FBXO36: variants seen among roughly 807,000 people sequenced by gnomAD.
FBXO36 encodes the protein F-box only protein 36.
Under a neutral mutation model 17.0 loss-of-function variants are expected in FBXO36, and 18 were observed. The ratio of observed to expected loss-of-function variants is 1.06; its 90% CI spans 0.73 to 1.57. The LOEUF (loss-of-function observed/expected upper bound fraction) is 1.57. Ranked by LOEUF, FBXO36 falls within the 40% of genes most tolerant of loss-of-function variation. The pLI, the probability that FBXO36 is intolerant of heterozygous loss-of-function variation, is 0.00. For synonymous variants in FBXO36, 83 were observed against 85.3 expected (o/e 0.97, Z 0.15); for missense variants, 229 against 221.9 (o/e 1.03, Z -0.20).
chr2:230,003,158 C>G (rs1340771282), intron 3 of FBXO36, among the ~76,000 whole-genome samples: 3 of 149,786 alleles, frequency 2.0e-5, no homozygotes, highest in Admixed American at 6.7e-5. Flanking sequence ...TGCAGTGACC[C>G]AAGATCGGGC....
At chr2:229,989,547 A>C (rs1339528222) in intron 2 of FBXO36, among the ~76,000 whole-genome samples, 3 of 148,968 alleles carry the variant, frequency 2.0e-5, no homozygotes, top group Non-Finnish European at 4.5e-5. Flanking sequence ...GTGAGCCACC[A>C]CGCCCGGCCA....
chr2:229,965,856 TA>T (rs1182920603), intron 1 of FBXO36, among the ~76,000 whole-genome samples: 9 of 152,174 alleles, frequency 5.9e-5, no homozygotes, highest in Admixed American at 5.9e-4. Context: ...TGTCTTTCTT[TA>T]TAGCAGCATG....
At chr2:229,947,602 G>A (rs891151030) in intron 1 of FBXO36, among the ~76,000 whole-genome samples, 3 of 152,238 alleles carry the variant, frequency 2.0e-5, no homozygotes, top group Non-Finnish European at 4.4e-5. Flanking sequence ...TGGAGGCAGA[G>A]AGCTTTCTTA....
intron 1 of FBXO36, among the ~76,000 whole-genome samples, chr2:229,960,506 G>T (rs2077115082): frequency 6.6e-6 from 1 of 151,648 alleles, no homozygotes; most frequent in East Asian, 1.9e-4. Context: ...GGGCGGTGGT[G>T]TTGGGATAGG....
chr2:229,957,889 A>T (rs1268653428), intron 1 of FBXO36, among the ~76,000 whole-genome samples: 1 of 152,148 alleles, frequency 6.6e-6, no homozygotes, highest in East Asian at 1.9e-4. Flanking sequence ...TTTAAAATAA[A>T]TTTTTTACTA....
At position 230,010,985 on chromosome 2, in the gene FBXO36, T is replaced by C. The variant is rs2077413050; in HGVS notation, c.*101T>C. On this transcript the variant is annotated 3_prime_UTR_variant, in exon 4 of 4. Transcript: ENST00000283946. ...TTTTCTTAAGAACTAAGAGGTTTTG[T>C]TGATGCGTGGAGCCATTTGAAACTC... 7.9e-7 allele frequency: 1 copy of C among 1,258,816 alleles called. No individual in the cohort carries two copies. The allele number at this position is 1,258,816 out of a possible 1,614,324, so 78.0% of individuals were successfully genotyped here. A position where few individuals can be genotyped will look rare whatever the true frequency, so the allele number is the denominator to read the frequency against.
intron 1 of FBXO36, among the ~76,000 whole-genome samples, chr2:229,958,214 C>CG: frequency 1.2e-5 from 1 of 82,022 alleles, no homozygotes. Flanking sequence ...TTGACCTTTA[C>CG]AATTTTTTTT....
intron 1 of FBXO36, among the ~76,000 whole-genome samples, chr2:229,944,191 C>G (rs1391576292): frequency 6.6e-6 from 1 of 152,144 alleles, no homozygotes; most frequent in Non-Finnish European, 1.5e-5. Flanking sequence ...AATGCAAGAA[C>G]AGGCTAATAC....
chr2:230,001,462 A>G (rs1349620921), intron 3 of FBXO36, among the ~76,000 whole-genome samples: 3 of 151,298 alleles, frequency 2.0e-5, no homozygotes, highest in Non-Finnish European at 4.4e-5. Context: ...TAATTTTTGT[A>G]TTTTTAGTAG....
chr2:229,955,420 G>C (rs1021788679), intron 1 of FBXO36, among the ~76,000 whole-genome samples: 1 of 152,034 alleles, frequency 6.6e-6, no homozygotes, highest in Non-Finnish European at 1.5e-5. Flanking sequence ...GGAGGCTGAG[G>C]TGGTAGGATC....
chr2:230,003,585 T>C (rs989291032), intron 3 of FBXO36, among the ~76,000 whole-genome samples: 21 of 151,556 alleles, frequency 1.4e-4, no homozygotes, highest in Admixed American at 1.2e-3. Flanking sequence ...CAGGCTGGAG[T>C]ACAGTGGTGT....
chr2:229,995,562 C>CTTT (rs1560454237), intron 2 of FBXO36, among the ~76,000 whole-genome samples: 2 of 68,586 alleles, frequency 2.9e-5, no homozygotes, highest in African/African-American at 7.2e-5. Flanking sequence ...TCTTTCCTTC[C>CTTT]TTTCTTTCTT....
intron 1 of FBXO36, among the ~76,000 whole-genome samples, chr2:229,938,277 A>G (rs1413702218): frequency 8.7e-6 from 1 of 115,118 alleles, no homozygotes; most frequent in Non-Finnish European, 1.6e-5. Context: ...GCTGGAGTGC[A>G]ATGGCGCCAT....
At chr2:229,934,710 A>C (rs2076955627) in intron 1 of FBXO36, among the ~76,000 whole-genome samples, 1 of 152,142 alleles carries the variant, frequency 6.6e-6, no homozygotes. Flanking sequence ...ACTGGAGTGC[A>C]ATGGCGTGAT....
intron 2 of FBXO36, among the ~76,000 whole-genome samples, chr2:229,982,778 C>CAA (rs58999886): frequency 1.4e-3 from 114 of 78,728 alleles, no homozygotes; most frequent in African/African-American, 5.2e-3. Context: ...GAGCTTGTCT[C>CAA]AAAAAAAAAA....
chr2:229,956,307 T>C (rs1376190488), intron 1 of FBXO36, among the ~76,000 whole-genome samples: 1 of 152,222 alleles, frequency 6.6e-6, no homozygotes, highest in Non-Finnish European at 1.5e-5. Context: ...GCCATGGTCT[T>C]TTCTCTGGGC....
intron 2 of FBXO36, among the ~76,000 whole-genome samples, chr2:229,984,433 C>T (rs2077256763): frequency 1.5e-5 from 2 of 135,956 alleles, no homozygotes; most frequent in South Asian, 2.7e-4. Flanking sequence ...CTCTGTCGCC[C>T]GGGCTGGAGT....
Position 229,946,186 on chromosome 2 carries a change from A to G in FBXO36, c.96+23577A>G, listed in dbSNP as rs73103562. The stretch of plus-strand genomic sequence containing the variant: ...TACTTCCATGGGACATGTATGATCC[A>G]GGTGGATACAAGCCAGGTCTTGATG... On this transcript the variant is annotated intron_variant, in intron 1 of 3. Transcript: ENST00000283946. Among the ~76,000 whole-genome samples the G allele has an allele frequency of 5.3e-3, 807 of 152,318 alleles. 10 individuals carry two copies. The highest frequency in any genetic ancestry group is 0.019 in the African/African-American group (780 of 41,574).
chr2:229,944,128 G>A (rs964695549), intron 1 of FBXO36, among the ~76,000 whole-genome samples: 1 of 152,140 alleles, frequency 6.6e-6, no homozygotes, highest in African/African-American at 2.4e-5. Flanking sequence ...CTGTGAATCA[G>A]TTAAAGCCTC....
Sources: allele counts gnomAD v4.1 joint callset (sites outside exome capture counted in the v4.1 genomes callset), GRCh38; gene constraint gnomAD v4.1.1; transcripts MANE v1.5; gene names NCBI Gene and HGNC (gene_info 2026-07-23, HGNC 2026-07-21).